ASTN2: variants seen among roughly 807,000 people sequenced by gnomAD.
The protein encoded by ASTN2 is astrotactin 2.
Under a neutral mutation model 139.8 loss-of-function variants are expected in ASTN2, and 54 were observed. The ratio of observed to expected loss-of-function variants is 0.39; its 90% confidence interval spans 0.31 to 0.48. The LOEUF (loss-of-function observed/expected upper bound fraction) is 0.48, where lower values mean the gene tolerates loss of function less well. Ranked by LOEUF, ASTN2 falls within the 20% of genes least tolerant of loss-of-function variation. The pLI, the probability that ASTN2 is intolerant of heterozygous loss-of-function variation, is 0.95. For missense variants in ASTN2, 1,565 were observed against 1,725.1 expected, an observed-to-expected ratio of 0.91 and a Z score of 1.64; for synonymous variants, 756 against 719.5, an observed-to-expected ratio of 1.05 and a Z score of -0.81.
At chr9:117,281,052 T>C (rs1278428818) in intron 2 of ASTN2, among the ~76,000 whole-genome samples, 1 of 152,170 alleles carries the variant, frequency 6.6e-6, no homozygotes, top group Non-Finnish European at 1.5e-5. Flanking sequence ...ATTATTTATA[T>C]CAGTATTTTA....
At chr9:116,705,872 A>T (rs1053448437) in intron 16 of ASTN2, among the ~76,000 whole-genome samples, 1 of 152,162 alleles carries the variant, frequency 6.6e-6, no homozygotes, top group Non-Finnish European at 1.5e-5. Flanking sequence ...AAGGTACAAG[A>T]TTAGGATGAA....
At chr9:116,518,865 C>A (rs59787685) in intron 19 of ASTN2, among the ~76,000 whole-genome samples, 2,842 of 28,782 alleles carry the variant, frequency 0.099, 385 homozygotes, top group South Asian at 0.49. Flanking sequence ...ATTCCTACAT[C>A]AGACAAACAA....
chr9:116,892,449 A>C (rs1833784210), intron 10 of ASTN2, among the ~76,000 whole-genome samples: 1 of 152,060 alleles, frequency 6.6e-6, no homozygotes, highest in Non-Finnish European at 1.5e-5. Flanking sequence ...GGGCTGATGA[A>C]TTGTTGACCT....
chr9:117,007,065 C>T (rs980938624), intron 7 of ASTN2, among the ~76,000 whole-genome samples: 2 of 152,066 alleles, frequency 1.3e-5, no homozygotes, highest in African/African-American at 4.8e-5. Flanking sequence ...TGCAGTGAGT[C>T]GAGATCACGC....
At chr9:117,274,220 T>C (rs898635710) in intron 2 of ASTN2, among the ~76,000 whole-genome samples, 7 of 152,058 alleles carry the variant, frequency 4.6e-5, no homozygotes, top group African/African-American at 1.4e-4. Context: ...CGTGGTGACA[T>C]GTGCCTGTAA....
intron 19 of ASTN2, among the ~76,000 whole-genome samples, chr9:116,576,921 C>T (rs546842301): frequency 1.3e-5 from 2 of 152,182 alleles, no homozygotes; most frequent in Non-Finnish European, 2.9e-5. Flanking sequence ...TCATCTCTTC[C>T]CTGGGCCAGG....
intron 5 of ASTN2, among the ~76,000 whole-genome samples, chr9:117,094,877 T>A (rs955260286): frequency 6.6e-6 from 1 of 152,168 alleles, no homozygotes; most frequent in African/African-American, 2.4e-5. Flanking sequence ...AGGTACAGCT[T>A]GTAGATGAAA....
intron 16 of ASTN2, among the ~76,000 whole-genome samples, chr9:116,654,979 T>C (rs1262225807): frequency 6.6e-6 from 1 of 152,236 alleles, no homozygotes; most frequent in African/African-American, 2.4e-5. Context: ...CCCCTTTTGG[T>C]GCAGTTAAAA....
chr9:117,122,796 T>G (rs1829591865), intron 4 of ASTN2, among the ~76,000 whole-genome samples: 1 of 152,142 alleles, frequency 6.6e-6, no homozygotes, highest in Admixed American at 6.5e-5. Context: ...TGGAACTTCC[T>G]CCTTCACTTT....
At chr9:117,125,686 C>A (rs897869591) in intron 4 of ASTN2, among the ~76,000 whole-genome samples, 1 of 152,108 alleles carries the variant, frequency 6.6e-6, no homozygotes, top group Non-Finnish European at 1.5e-5. Flanking sequence ...AATCTAACTG[C>A]GAGAGAATAA....
intron 2 of ASTN2, among the ~76,000 whole-genome samples, chr9:117,270,070 T>C (rs1834028272): frequency 6.6e-6 from 1 of 152,224 alleles, no homozygotes; most frequent in African/African-American, 2.4e-5. Flanking sequence ...CCCAAATTTG[T>C]CCACCTTTTA....
intron 10 of ASTN2, among the ~76,000 whole-genome samples, chr9:116,872,114 C>T (rs1274374565): frequency 4.6e-5 from 7 of 152,186 alleles, no homozygotes; most frequent in African/African-American, 1.7e-4. Flanking sequence ...CAGGAATGTG[C>T]TACCATGCCA....
intron 20 of ASTN2, among the ~76,000 whole-genome samples, chr9:116,452,452 T>G (rs1276537498): frequency 2.0e-5 from 3 of 152,192 alleles, no homozygotes; most frequent in Admixed American, 6.5e-5. Flanking sequence ...AATAACCCCA[T>G]GGTGACGGTG....
In ASTN2 at chr9:116,425,507, G is replaced by A; in HGVS notation, c.*344C>T. The A allele has an allele frequency of 2.0e-6, 3 of 1,507,162 alleles. No individual in the cohort carries two copies. The highest frequency in any genetic ancestry group is 2.3e-5 in the South Asian group (2 of 86,576). 93.4% of individuals were successfully genotyped at this position (1,507,162 alleles called of 1,614,324 possible). A position where few individuals can be genotyped will look rare whatever the true frequency, so the allele number is the denominator to read the frequency against. On this transcript the variant is annotated 3_prime_UTR_variant, in exon 23 of 23. Transcript: ENST00000313400. ...GCAGGAAGAAAGCAGAGTGTGGCAGGAAGAAGGAAGAAGAGCAAAGGCCGC... is the reference window on the plus strand; with the variant it reads ...GCAGGAAGAAAGCAGAGTGTGGCAGAAAGAAGGAAGAAGAGCAAAGGCCGC...
intron 4 of ASTN2, among the ~76,000 whole-genome samples, chr9:117,106,770 A>ATATCTATC (rs35855942): frequency 7.2e-5 from 11 of 151,920 alleles, no homozygotes; most frequent in South Asian, 4.2e-4. Flanking sequence ...TTTGTAAAAA[A>ATATCTATC]TATCTATCTA....
chr9:116,861,519 G>A (rs1005901348), intron 11 of ASTN2, among the ~76,000 whole-genome samples: 4 of 152,146 alleles, frequency 2.6e-5, no homozygotes, highest in African/African-American at 9.7e-5. Context: ...GAAGGGTTAG[G>A]TTTCAATGGT....
At chr9:117,371,506 A>T (rs1270610469) in intron 1 of ASTN2, among the ~76,000 whole-genome samples, 1 of 152,066 alleles carries the variant, frequency 6.6e-6, no homozygotes, top group East Asian at 1.9e-4. Flanking sequence ...TTTCCAAGGA[A>T]GTTAAAAACA....
intron 5 of ASTN2, among the ~76,000 whole-genome samples, chr9:117,076,076 TCA>T (rs1828272756): frequency 6.6e-6 from 1 of 152,180 alleles, no homozygotes; most frequent in Non-Finnish European, 1.5e-5. Context: ...CTTGCAGGCT[TCA>T]CAGTCTGGTT....
At chr9:116,532,275 G>A (rs1040455547) in intron 19 of ASTN2, among the ~76,000 whole-genome samples, 14 of 152,278 alleles carry the variant, frequency 9.2e-5, no homozygotes, top group African/African-American at 3.1e-4. Flanking sequence ...TTTGTCAGAT[G>A]AGTAGATTGC....
Sources: gnomAD v4.1 joint callset for allele counts (sites outside exome capture counted in the v4.1 genomes callset) on GRCh38, gnomAD v4.1.1 for gene constraint, MANE v1.5 for transcripts, NCBI Gene and HGNC (gene_info 2026-07-23, HGNC 2026-07-21) for gene names.